RNPEP: variants seen among roughly 807,000 people sequenced by gnomAD.
RNPEP encodes the protein aminopeptidase B.
Under a neutral mutation model 70.1 loss-of-function variants are expected in RNPEP, and 57 were observed. That is an observed-to-expected ratio of 0.81 (90% CI 0.66 to 1.01). The LOEUF (loss-of-function observed/expected upper bound fraction) is 1.01. RNPEP is among the 50% of genes least tolerant of loss of function. RNPEP has a pLI of 0.00. For synonymous variants in RNPEP, 335 were observed against 357.4 expected (o/e 0.94, Z 0.71); for missense variants, 787 against 852.4 (o/e 0.92, Z 0.96).
In RNPEP at chr1:202,003,352, C is replaced by T. The variant is rs1282974046; in HGVS notation, c.1542C>T (p.Ala514=). 3.7e-6 allele frequency: 6 copies of T among 1,613,984 alleles called. No homozygotes were observed. Among genetic ancestry groups the T allele is most frequent in the Middle Eastern group, 1.6e-4 (1 of 6,084 alleles). The change falls in exon 9 of 11, where the codon GCC becomes GCT. Residue 514 remains alanine, a synonymous_variant. Transcript: ENST00000295640. ...PAEELAQLWA[A]EELDMKAIEA... ...AAGAGCTAGCCCAACTGTGGGCAGC[C>T]GAGGAGCTGGACATGAAGGCCATTG... is the stretch of plus-strand genomic sequence containing the variant.
chr1:201,994,481 C>G (rs1041004055), intron 3 of RNPEP, among the ~76,000 whole-genome samples: 1 of 152,124 alleles, frequency 6.6e-6, no homozygotes, highest in African/African-American at 2.4e-5. Flanking sequence ...ATCCCAGACT[C>G]TCGGTGCTTC....
intron 7 of RNPEP, 62 bp from the exon 8 acceptor site, chr1:202,001,597 C>A: frequency 6.9e-7 from 1 of 1,447,554 alleles, no homozygotes; most frequent in Non-Finnish European, 9.7e-7. Flanking sequence ...GGACCCAGGA[C>A]ACAGAGGGAC....
intron 3 of RNPEP, among the ~76,000 whole-genome samples, chr1:201,994,787 C>G (rs142651492): frequency 0.052 from 7,889 of 151,076 alleles, 246 homozygotes; most frequent in South Asian, 0.083. Context: ...CTGCCTCAGC[C>G]TCTCAGGTAG....
In RNPEP at chr1:201,989,045, G is replaced by T. The variant is rs775243663; in HGVS notation, c.588+1G>T. 6.2e-7 allele frequency: 1 copy of T among 1,613,164 alleles called. No individual in the cohort carries two copies. Among genetic ancestry groups the T allele is most frequent in the Non-Finnish European group, 8.5e-7 (1 of 1,179,708 alleles). On this transcript the variant is annotated splice_donor_variant, in intron 2 of 10. Coordinates refer to ENST00000295640, the MANE Select transcript of RNPEP (RefSeq NM_020216.4). LOFTEE classifies it high-confidence loss of function. The stretch of plus-strand genomic sequence containing the variant: ...ATACAAGTATTCAGCTCTTATTGAG[G>T]TAAGGAGACTAAGGTTAGGTGCACC...
At chr1:201,987,694 T>C (rs984900176) in intron 1 of RNPEP, among the ~76,000 whole-genome samples, 1 of 151,870 alleles carries the variant, frequency 6.6e-6, no homozygotes, top group Admixed American at 6.6e-5. Flanking sequence ...TGCGTCGGAC[T>C]CCCAAAGTGC....
chr1:201,995,653 G>A (rs1683518090), intron 3 of RNPEP: 1 of 156,268 alleles, frequency 6.4e-6, no homozygotes, highest in Admixed American at 6.2e-5. Flanking sequence ...CTCTAGCCTG[G>A]GCAACAGAGC....
chr1:201,996,499 G>GTGTGTGTGTGTGTGTGTGTGTC (rs1269880183), intron 4 of RNPEP: 2 of 400,496 alleles, frequency 5.0e-6, no homozygotes, highest in African/African-American at 4.4e-5. Context: ...GTGTGTGTGT[G>GTGTGTGTGTGTGTGTGTGTGTC]TGTGTGTGTT....
chr1:201,983,777 G>A, intron 1 of RNPEP: 1 of 1,104,128 alleles, frequency 9.1e-7, no homozygotes, highest in Middle Eastern at 4.3e-4. Flanking sequence ...TTTTCGGGAC[G>A]GGGCAAATAT....
At position 201,999,995 on chromosome 1, in the gene RNPEP, T is replaced by G; in HGVS notation, c.1184T>G (p.Leu395Arg). Residue 395 changes from leucine (L) to arginine (R), a missense_variant, in exon 6 of 11, where the codon CTC (leucine) becomes CGC (arginine). Physicochemically the swap from Leu to Arg is moderately radical, Grantham distance 102. Transcript: ENST00000295640. Reference protein sequence around the residue: ...ITGEENPLNKLRVKIEPGVDP... With the variant: ...ITGEENPLNKRRVKIEPGVDP... Reference sequence around the variant, plus strand: ...GGAGAGGAAAACCCACTCAACAAGCTCCGCGTGAAGATTGAACCAGGTCCA... The same window carrying G: ...GGAGAGGAAAACCCACTCAACAAGCGCCGCGTGAAGATTGAACCAGGTCCA... 6.2e-7 allele frequency: 1 copy of G among 1,613,624 alleles called. No homozygotes were observed. The highest frequency in any genetic ancestry group is 1.1e-5 in the South Asian group (1 of 90,946).
chr1:201,983,041 C>T lies in RNPEP; in HGVS notation c.375C>T (p.Ser125=), dbSNP rs1682995994. 3.3e-6 allele frequency: 5 copies of T among 1,528,378 alleles called. No individual in the cohort carries two copies. The African/African-American group carries it at 7.1e-5, about 22-fold the overall frequency. 94.7% of individuals were successfully genotyped at this position (1,528,378 alleles called of 1,614,324 possible). A position where few individuals can be genotyped will look rare whatever the true frequency, so the allele number is the denominator to read the frequency against. Residue 125 remains serine, a synonymous_variant, in exon 1 of 11, where the codon TCC becomes TCT. Transcript: ENST00000295640. The stretch of plus-strand genomic sequence containing the variant: ...ACTATGGCCAGGCCCTGTGCGTGTC[C>T]TTCCCGCAGCCCTGCCGCGCCGCCG... The part of the protein sequence containing the change: ...FSHYGQALCV[S]FPQPCRAAER...
At chr1:201,983,170 C>T in intron 1 of RNPEP, 57 bp downstream of exon 1, 2 of 1,417,694 alleles carry the variant, frequency 1.4e-6, no homozygotes, top group South Asian at 1.5e-5. Flanking sequence ...GGCCCCCAGC[C>T]GCCCTGCACC....
intron 9 of RNPEP, among the ~76,000 whole-genome samples, chr1:202,003,900 AGCTCTCAACCTCTAAT>A (rs1683941143): frequency 6.6e-6 from 1 of 152,204 alleles, no homozygotes; most frequent in Admixed American, 6.5e-5. Context: ...AGTCATCCAG[AGCTCTCAACCTCTAAT>A]GCTTTGTGGC....
chr1:201,998,735 G>A (rs1683664868), intron 5 of RNPEP, among the ~76,000 whole-genome samples: 2 of 152,188 alleles, frequency 1.3e-5, no homozygotes, highest in African/African-American at 4.8e-5. Context: ...AACTGAGGCT[G>A]AGAGAGGCTA....
intron 6 of RNPEP, chr1:202,001,078 T>G: frequency 5.6e-6 from 2 of 355,440 alleles, no homozygotes; most frequent in South Asian, 3.7e-5. Context: ...TTCTCTGTCT[T>G]CATATTAGAT....
Position 201,997,567 on chromosome 1 carries a change from C to T in RNPEP, c.1090+13C>T, listed in dbSNP as rs757425764. 4 of 1,598,926 alleles carry T rather than the reference C, an allele frequency of 2.5e-6. No individual in the cohort carries two copies. The highest frequency in any genetic ancestry group is 3.3e-5 in the Admixed American group (2 of 59,944). ...ACCATCCTCTTTGGTAAAGTGCCCA[C>T]CCCTCTCCTAAGGAGTCTGCCTCCC... On this transcript the variant is annotated intron_variant, in intron 5 of 10. Transcript: ENST00000295640.
At position 202,005,672 on chromosome 1, in the gene RNPEP, G is replaced by A; in HGVS notation, c.1909G>A (p.Val637Ile). ...CACCGCCTCCCAGCTCCACAGCAAT[G>A]TTGTCAACTATGTCCAGCAGATCGT... ...ASTASQLHSN[V>I]VNYVQQIVAP... The change falls in exon 11 of 11, where the codon GTT (valine) becomes ATT (isoleucine). Residue 637 changes from valine to isoleucine, a missense_variant. Val to Ile is a conservative substitution (Grantham distance 29). Transcript: ENST00000295640. 6.2e-7 allele frequency: 1 copy of A among 1,614,238 alleles called. No individual in the cohort carries two copies. Among genetic ancestry groups the A allele is most frequent in the Non-Finnish European group, 8.5e-7 (1 of 1,180,050 alleles).
At position 201,996,213 on chromosome 1, in the gene RNPEP, A is replaced by C. The variant is rs752329804; in HGVS notation, c.804A>C (p.Glu268Asp). 3.1e-6 allele frequency: 5 copies of C among 1,614,202 alleles called. No individual in the cohort carries two copies. The highest frequency in any genetic ancestry group is 4.2e-6 in the Non-Finnish European group (5 of 1,180,020). Residue 268 changes from glutamate to aspartate, a missense_variant, in exon 4 of 11, where the codon GAA becomes GAC. Glu to Asp is a conservative substitution (Grantham distance 45). Transcript: ENST00000295640. ...AGGAGGAGTACAACGGGGTGATAGA[A>C]GAATTTTTGGCAACAGGAGAGAAGC... Reference protein sequence around the residue: ...AAKEEYNGVIEEFLATGEKLF... With the variant: ...AAKEEYNGVIDEFLATGEKLF...
At chr1:202,003,508 G>A (rs1277015863) in intron 9 of RNPEP, 47 bp downstream of exon 9, 2 of 1,370,614 alleles carry the variant, frequency 1.5e-6, no homozygotes, top group Non-Finnish European at 2.1e-6. Context: ...ACAGCTTTAT[G>A]TCAGGGGCTA....
intron 1 of RNPEP, chr1:201,983,636 T>C: frequency 8.3e-7 from 1 of 1,200,398 alleles, no homozygotes; most frequent in Non-Finnish European, 1.1e-6. Flanking sequence ...CTTATCTTTG[T>C]TTTTGTTTCC....
Sources: gnomAD v4.1 joint callset for allele counts (sites outside exome capture counted in the v4.1 genomes callset) on GRCh38, gnomAD v4.1.1 for gene constraint, MANE v1.5 for transcripts, NCBI Gene and HGNC (gene_info 2026-07-23, HGNC 2026-07-21) for gene names.